The following SFI1 variants were observed in gnomAD, a reference collection of about 807,000 sequenced individuals.
The protein encoded by SFI1 is protein SFI1 homolog.
In SFI1, 195 loss-of-function variants were observed where a neutral mutation model predicts 207.5. That is an observed-to-expected ratio of 0.94 (90% CI 0.84 to 1.06). The LOEUF is 1.06. Ranked by LOEUF, SFI1 falls within the 50% of genes least tolerant of loss-of-function variation. The pLI, the probability that SFI1 is intolerant of heterozygous loss-of-function variation, is 0.00. For missense variants in SFI1, 1,634 were observed against 1,588.0 expected (o/e 1.03, Z -0.49); for synonymous variants, 630 against 598.9 (o/e 1.05, Z -0.76).
intron 9 of SFI1, among the ~76,000 whole-genome samples, 174 bp downstream of exon 9, chr22:31,573,388 G>A (rs1259694291): frequency 6.6e-6 from 1 of 152,008 alleles, no homozygotes; most frequent in Admixed American, 6.6e-5. Flanking sequence ...TTCTCTTTGG[G>A]CTTTTATTTA....
intron 1 of SFI1, among the ~76,000 whole-genome samples, chr22:31,503,797 C>G (rs945005783): frequency 6.7e-6 from 1 of 150,210 alleles, no homozygotes; most frequent in African/African-American, 2.5e-5. Context: ...CCACGTTAGT[C>G]AGGCTGGTGG....
chr22:31,557,998 G>A (rs2061334814), intron 7 of SFI1, among the ~76,000 whole-genome samples: 1 of 152,144 alleles, frequency 6.6e-6, no homozygotes, highest in African/African-American at 2.4e-5. Flanking sequence ...CTGAAAGTTG[G>A]GTATTGAACA....
intron 27 of SFI1, 168 bp downstream of exon 27, chr22:31,614,023 C>T (rs551052898): frequency 4.3e-5 from 37 of 869,412 alleles, no homozygotes; most frequent in South Asian, 1.9e-4. Flanking sequence ...ATCCCTCCCA[C>T]GGCAAGAGGG....
chr22:31,595,132 G>T (rs532102249), intron 15 of SFI1, among the ~76,000 whole-genome samples: 1 of 152,190 alleles, frequency 6.6e-6, no homozygotes, highest in East Asian at 1.9e-4. Flanking sequence ...AAGTAGCTGG[G>T]ATTACAGGTG....
intron 12 of SFI1, among the ~76,000 whole-genome samples, chr22:31,581,974 A>C (rs1249967546): frequency 6.6e-6 from 1 of 151,704 alleles, no homozygotes; most frequent in African/African-American, 2.4e-5. Context: ...CCCTAAGAAA[A>C]GTAACAGTGA....
At chr22:31,572,817 G>A (rs2063090878) in intron 8 of SFI1, 1 of 356,578 alleles carries the variant, frequency 2.8e-6, no homozygotes, top group South Asian at 5.3e-5. Flanking sequence ...CTTTCTGCTT[G>A]TTGATTTTAT....
intron 6 of SFI1, among the ~76,000 whole-genome samples, chr22:31,553,654 T>G: frequency 6.8e-6 from 1 of 147,680 alleles, no homozygotes. Flanking sequence ...ACCACAGGGG[T>G]GAGCCACCAA....
At chr22:31,570,816 C>T (rs916675398) in intron 8 of SFI1, among the ~76,000 whole-genome samples, 3 of 152,064 alleles carry the variant, frequency 2.0e-5, no homozygotes, top group Admixed American at 2.0e-4. Context: ...AGGGCTGAGC[C>T]TGCGAGGTGC....
intron 13 of SFI1, 105 bp downstream of exon 13, chr22:31,584,077 C>T (rs1291783490): frequency 8.4e-6 from 8 of 954,042 alleles, no homozygotes; most frequent in Admixed American, 7.2e-5. Flanking sequence ...GTGGCAGATT[C>T]AGAAAGGCCT....
chr22:31,582,884 A>C (rs1036971933), intron 12 of SFI1, among the ~76,000 whole-genome samples: 8 of 152,180 alleles, frequency 5.3e-5, no homozygotes, highest in African/African-American at 9.6e-5. Flanking sequence ...TTTTTAAAAA[A>C]GGACAGGCCA....
chr22:31,608,750 C>T (rs752337750), intron 22 of SFI1, among the ~76,000 whole-genome samples: 14 of 152,040 alleles, frequency 9.2e-5, no homozygotes, highest in Non-Finnish European at 1.8e-4. Flanking sequence ...ACCGTGTTAG[C>T]GTCCTGCTTC....
intron 1 of SFI1, among the ~76,000 whole-genome samples, chr22:31,500,002 A>C (rs539531664): frequency 4.1e-5 from 6 of 147,912 alleles, no homozygotes; most frequent in Admixed American, 3.4e-4. Flanking sequence ...AAAAAAAAAA[A>C]ACATTGAAAA....
intron 12 of SFI1, among the ~76,000 whole-genome samples, 178 bp downstream of exon 12, chr22:31,580,542 C>CTTTTTTTTTTTTT (rs11347645): frequency 9.4e-5 from 11 of 117,280 alleles, no homozygotes; most frequent in East Asian, 2.6e-4. Context: ...CTTTTCTTTT[C>CTTTTTTTTTTTTT]TTTTTTTTTT....
In SFI1 at chr22:31,496,633, C is replaced by T. The variant is rs1473407560; in HGVS notation, c.-35C>T. 1 of 152,340 alleles carries T rather than the reference C, an allele frequency of 6.6e-6. No individual in the cohort carries two copies. The highest frequency in any genetic ancestry group is 6.5e-5 in the Admixed American group (1 of 15,284). 9.4% of individuals were successfully genotyped at this position (152,340 alleles called of 1,614,324 possible). ...ACGTCAGGCCCGATGGCTCGGCTTCCCCAGGTACGAGGCCCGGCCCTAACG... is the reference window on the plus strand; with the variant it reads ...ACGTCAGGCCCGATGGCTCGGCTTCTCCAGGTACGAGGCCCGGCCCTAACG... On this transcript the variant is annotated 5_prime_UTR_variant, in exon 1 of 33. Coordinates refer to ENST00000400288, the MANE Select transcript of SFI1 (RefSeq NM_001007467.3).
In SFI1 at chr22:31,602,268, G is replaced by A. The variant is rs374760963; in HGVS notation, c.1601G>A (p.Arg534Gln). 15 of 1,614,052 alleles carry A rather than the reference G, an allele frequency of 9.3e-6. No individual in the cohort carries two copies. In the African/African-American group the frequency reaches 1.9e-4, roughly 20 times the overall value. ...TGGAGGCAGAAGATGTTTCAGCATC[G>A]AGAAAACCGCCTGGCAGAGAGAATG... ...SLWRQKMFQH[R>Q]ENRLAERMAI... Residue 534 changes from arginine (R) to glutamine (Q), a missense_variant, in exon 16 of 33, where the codon CGA (arginine) becomes CAA (glutamine). By Grantham distance (43) the Arg-to-Gln change is conservative. Coordinates refer to ENST00000400288, the MANE Select transcript of SFI1 (RefSeq NM_001007467.3).
chr22:31,558,881 A>G (rs899290863), intron 7 of SFI1, among the ~76,000 whole-genome samples: 12 of 152,160 alleles, frequency 7.9e-5, no homozygotes, highest in African/African-American at 2.4e-4. Context: ...CCATGGCACA[A>G]TCTTGGCTGA....
intron 6 of SFI1, among the ~76,000 whole-genome samples, chr22:31,556,015 T>C (rs927986177): frequency 6.6e-6 from 1 of 152,184 alleles, no homozygotes. Context: ...AATTTACTTA[T>C]TAGTGGTGAC....
At chr22:31,530,687 A>C (rs1411799664) in intron 3 of SFI1, 2 of 465,872 alleles carry the variant, frequency 4.3e-6, no homozygotes, top group African/African-American at 4.0e-5. Flanking sequence ...CAGAGTGCTG[A>C]GAGTACACAG....
intron 6 of SFI1, among the ~76,000 whole-genome samples, chr22:31,554,598 G>T (rs1178321695): frequency 8.3e-6 from 1 of 120,714 alleles, no homozygotes; most frequent in East Asian, 2.6e-4. Flanking sequence ...TTGAGCCACT[G>T]CGCCCAGCCT....
Sources: gnomAD v4.1 joint callset for allele counts (sites outside exome capture counted in the v4.1 genomes callset) on GRCh38, gnomAD v4.1.1 for gene constraint, MANE v1.5 for transcripts, NCBI Gene and HGNC (gene_info 2026-07-23, HGNC 2026-07-21) for gene names.